Variants in ADAM10 observed in about 807,000 individuals in gnomAD.
The protein encoded by ADAM10 is disintegrin and metalloproteinase domain-containing protein 10.
In ADAM10, 17 loss-of-function variants were observed where a neutral mutation model predicts 90.1. The observed-to-expected ratio is 0.19, with a 90% CI of 0.13 to 0.28. ADAM10 has a LOEUF of 0.28. Among genes scored for constraint, ADAM10 ranks in the 10% least tolerant of loss-of-function variants. The pLI is 1.00. For synonymous variants in ADAM10, 310 were observed against 298.6 expected, an observed-to-expected ratio of 1.04 and a Z score of -0.40; for missense variants, 610 against 914.3, an observed-to-expected ratio of 0.67 and a Z score of 4.29.
At chr15:58,631,459 G>A (rs764580985) in intron 9 of ADAM10, among the ~76,000 whole-genome samples, 2 of 152,178 alleles carry the variant, frequency 1.3e-5, no homozygotes, top group Non-Finnish European at 2.9e-5. Flanking sequence ...CACAAGAAGT[G>A]AAAAGAGAAT....
Position 58,592,048 on chromosome 15 carries a change from T to C in ADAM10, c.*5499A>G, listed in dbSNP as rs1894835146. 6.6e-6 allele frequency: 1 copy of C among 152,254 alleles called. No individual in the cohort carries two copies. The highest frequency in any genetic ancestry group is 1.5e-5 in the Non-Finnish European group (1 of 68,062). 9.4% of individuals were successfully genotyped at this position (152,254 alleles called of 1,614,324 possible). On this transcript the variant is annotated 3_prime_UTR_variant, in exon 16 of 16. Transcript: ENST00000260408. ...TTTTCCAGAGTCTGGATTTTGCTGA[T>C]TGAGTCCCTTGTATATTATTTGTCC...
intron 4 of ADAM10, among the ~76,000 whole-genome samples, chr15:58,675,985 AATT>A (rs1435784628): frequency 6.6e-6 from 1 of 152,238 alleles, no homozygotes; most frequent in Non-Finnish European, 1.5e-5. Context: ...TCTGAAAATA[AATT>A]ATTAGTACTT....
At chr15:58,686,322 C>G in intron 2 of ADAM10, 1 of 612,566 alleles carries the variant, frequency 1.6e-6, no homozygotes, top group Non-Finnish European at 2.9e-6. Context: ...GAAATAGGAA[C>G]AAACTATTCC....
intron 2 of ADAM10, among the ~76,000 whole-genome samples, chr15:58,689,944 A>ACGCC (rs139077352): frequency 1.3e-5 from 1 of 75,262 alleles, no homozygotes; most frequent in Admixed American, 1.6e-4. Flanking sequence ...CCAAAGACAG[A>ACGCC]CCCCCCCCAA....
intron 14 of ADAM10, 162 bp downstream of exon 14, chr15:58,610,135 A>G: frequency 2.8e-6 from 2 of 710,790 alleles, no homozygotes; most frequent in Non-Finnish European, 4.9e-6. Flanking sequence ...TCACTTCAGA[A>G]GGAAATAATA....
At chr15:58,690,653 C>T (rs1271114673) in intron 2 of ADAM10, among the ~76,000 whole-genome samples, 2 of 152,002 alleles carry the variant, frequency 1.3e-5, no homozygotes, top group Non-Finnish European at 2.9e-5. Flanking sequence ...CAGAGAGAGC[C>T]AGGTGGGACA....
chr15:58,643,226 T>A (rs1896462057), intron 7 of ADAM10, among the ~76,000 whole-genome samples: 1 of 152,138 alleles, frequency 6.6e-6, no homozygotes, highest in Admixed American at 6.5e-5. Context: ...ACATTAGAAC[T>A]CATACTACGT....
At chr15:58,610,813 T>A in intron 13 of ADAM10, 186 bp downstream of exon 13, 1 of 645,490 alleles carries the variant, frequency 1.5e-6, no homozygotes, top group Non-Finnish European at 2.7e-6. Flanking sequence ...TTTATCATTT[T>A]TAAAACATTG....
intron 10 of ADAM10, among the ~76,000 whole-genome samples, chr15:58,623,168 A>G (rs1464043986): frequency 1.3e-5 from 2 of 152,216 alleles, no homozygotes; most frequent in African/African-American, 4.8e-5. Flanking sequence ...ATATTCAGAT[A>G]ATTATTTCTT....
chr15:58,692,387 C>A, intron 2 of ADAM10: 1 of 584,508 alleles, frequency 1.7e-6, no homozygotes, highest in South Asian at 1.4e-5. Flanking sequence ...GTGTATTTCT[C>A]CTTGATCTTC....
chr15:58,709,757 T>A (rs1898413777), intron 2 of ADAM10, among the ~76,000 whole-genome samples: 1 of 151,756 alleles, frequency 6.6e-6, no homozygotes, highest in South Asian at 2.1e-4. Context: ...AAATAAAAAA[T>A]AAAAAATACA....
At chr15:58,675,915 A>G (rs747465478) in intron 4 of ADAM10, among the ~76,000 whole-genome samples, 3 of 152,244 alleles carry the variant, frequency 2.0e-5, no homozygotes, top group African/African-American at 4.8e-5. Flanking sequence ...GATAACATAT[A>G]CAACGATACC....
rs1393419244 is a variant in ADAM10 at position 58,665,026 on chromosome 15, T to C, written c.585+71A>G. 7.6e-6 allele frequency: 9 copies of C among 1,188,274 alleles called. No individual in the cohort carries two copies. The East Asian group carries it at 1.6e-4, about 22-fold the overall frequency. 73.6% of individuals were successfully genotyped at this position (1,188,274 alleles called of 1,614,324 possible). A position where few individuals can be genotyped will look rare whatever the true frequency, so the allele number is the denominator to read the frequency against. The stretch of plus-strand genomic sequence containing the variant: ...TCTTTCAGAAATCCTAGAACATATA[T>C]TTTAAATGTAGATATACATCCTCAA... On this transcript the variant is annotated intron_variant, in intron 5 of 15. Transcript: ENST00000260408.
chr15:58,707,687 T>C (rs1208010617), intron 2 of ADAM10, among the ~76,000 whole-genome samples: 1 of 152,206 alleles, frequency 6.6e-6, no homozygotes, highest in Non-Finnish European at 1.5e-5. Context: ...ACAGAATAAG[T>C]TGATTTATCT....
rs1180280868 is a variant in ADAM10 at position 58,597,491 on chromosome 15, TTGGAG to T, written c.*51_*55del. On this transcript the variant is annotated 3_prime_UTR_variant, in exon 16 of 16. Coordinates refer to ENST00000260408, the MANE Select transcript of ADAM10 (RefSeq NM_001110.4). Reference sequence around the variant, plus strand: ...AGATGATGACTTAATAGGTTTCTCTTTGGAGTGAAGTTTTCCCATTGTAGGCACTA... The same window carrying T: ...AGATGATGACTTAATAGGTTTCTCTTTGAAGTTTTCCCATTGTAGGCACTA... 6.2e-7 allele frequency: 1 copy of T among 1,613,600 alleles called. No individual in the cohort carries two copies. Among genetic ancestry groups the T allele is most frequent in the Non-Finnish European group, 8.5e-7 (1 of 1,179,792 alleles).
intron 5 of ADAM10, among the ~76,000 whole-genome samples, chr15:58,655,711 G>GTATATATA (rs1174017303): frequency 0.011 from 571 of 53,602 alleles, 9 homozygotes; most frequent in Non-Finnish European, 0.013. Context: ...TATATATATA[G>GTATATATA]TATATATATA....
intron 8 of ADAM10, among the ~76,000 whole-genome samples, chr15:58,634,116 G>C (rs1596012004): frequency 6.6e-6 from 1 of 151,976 alleles, no homozygotes; most frequent in Non-Finnish European, 1.5e-5. Context: ...TTTGAGACCA[G>C]CCTGGCCAAC....
intron 4 of ADAM10, among the ~76,000 whole-genome samples, chr15:58,674,450 T>A (rs776942149): frequency 6.6e-6 from 1 of 152,228 alleles, no homozygotes; most frequent in Admixed American, 6.5e-5. Flanking sequence ...CAACTCAATA[T>A]GCTTATGCAG....
intron 2 of ADAM10, among the ~76,000 whole-genome samples, chr15:58,705,819 G>T (rs1362192578): frequency 6.6e-6 from 1 of 152,154 alleles, no homozygotes; most frequent in African/African-American, 2.4e-5. Flanking sequence ...GTGAGTACAG[G>T]ACAGTAACAT....
Sources: gnomAD v4.1 joint callset for allele counts (sites outside exome capture counted in the v4.1 genomes callset) on GRCh38, gnomAD v4.1.1 for gene constraint, MANE v1.5 for transcripts, NCBI Gene and HGNC (gene_info 2026-07-23, HGNC 2026-07-21) for gene names.